Variants in SORCS3 observed in about 807,000 individuals in gnomAD.
SORCS3 encodes the protein VPS10 domain-containing receptor SorCS3.
A neutral mutation model predicts 146.3 loss-of-function variants in SORCS3; 57 were observed. That is an observed-to-expected ratio of 0.39 (90% CI 0.31 to 0.49). SORCS3 has a LOEUF of 0.49. Among genes scored for constraint, SORCS3 ranks in the 20% least tolerant of loss-of-function variants. The pLI, the probability that SORCS3 is intolerant of heterozygous loss-of-function variation, is 0.92. For synonymous variants in SORCS3, 653 were observed against 618.5 expected, an observed-to-expected ratio of 1.06 and a Z score of -0.83; for missense variants, 1,341 against 1,575.5, an observed-to-expected ratio of 0.85 and a Z score of 2.52.
chr10:104,831,129 A>T (rs2017996011), intron 1 of SORCS3, among the ~76,000 whole-genome samples: 1 of 152,166 alleles, frequency 6.6e-6, no homozygotes, highest in South Asian at 2.1e-4. Context: ...CACTGCACCA[A>T]GCCACGACAA....
chr10:104,758,717 T>C (rs1236232805), intron 1 of SORCS3, among the ~76,000 whole-genome samples: 1 of 152,160 alleles, frequency 6.6e-6, no homozygotes, highest in Non-Finnish European at 1.5e-5. Context: ...CTTTGGGATA[T>C]TGTGGCTCCT....
intron 1 of SORCS3, among the ~76,000 whole-genome samples, chr10:104,710,549 T>G (rs1379647348): frequency 1.3e-5 from 2 of 152,164 alleles, no homozygotes. Context: ...GGGTTGCTGT[T>G]TGAGAGGGCT....
intron 1 of SORCS3, among the ~76,000 whole-genome samples, chr10:104,736,224 C>A (rs2016769724): frequency 6.6e-6 from 1 of 152,174 alleles, no homozygotes; most frequent in Non-Finnish European, 1.5e-5. Flanking sequence ...CTGAACTTGG[C>A]CAGTTGTTTG....
At chr10:104,692,292 AACTG>A (rs2016122734) in intron 1 of SORCS3, among the ~76,000 whole-genome samples, 1 of 152,158 alleles carries the variant, frequency 6.6e-6, no homozygotes, top group South Asian at 2.1e-4. Flanking sequence ...AGAGGAAAGA[AACTG>A]ACTGTCAGCC....
chr10:105,027,011 A>T (rs2055236251), intron 4 of SORCS3, among the ~76,000 whole-genome samples: 1 of 152,072 alleles, frequency 6.6e-6, no homozygotes, highest in South Asian at 2.1e-4. Context: ...AAACGCCAAG[A>T]CCCTGTCCAG....
At chr10:105,156,609 G>T (rs138100379) in intron 9 of SORCS3, among the ~76,000 whole-genome samples, 1 of 152,164 alleles carries the variant, frequency 6.6e-6, no homozygotes, top group Non-Finnish European at 1.5e-5. Context: ...CAGATGATAT[G>T]GGAGTTATCC....
intron 5 of SORCS3, among the ~76,000 whole-genome samples, chr10:105,045,799 C>A (rs942338939): frequency 1.3e-5 from 2 of 152,150 alleles, no homozygotes; most frequent in African/African-American, 4.8e-5. Context: ...CAAGTGGACA[C>A]TTGGCTATTT....
chr10:104,878,657 T>G (rs1299889383), intron 2 of SORCS3, among the ~76,000 whole-genome samples: 1 of 152,192 alleles, frequency 6.6e-6, no homozygotes, highest in African/African-American at 2.4e-5. Context: ...TTTAAAATAT[T>G]TTATAGGGCC....
intron 1 of SORCS3, among the ~76,000 whole-genome samples, chr10:104,747,477 G>T (rs2016924873): frequency 6.6e-6 from 1 of 152,122 alleles, no homozygotes; most frequent in Non-Finnish European, 1.5e-5. Flanking sequence ...AAAGGGGAGT[G>T]GATAGACATA....
At chr10:104,662,457 A>C (rs552604296) in intron 1 of SORCS3, among the ~76,000 whole-genome samples, 1 of 152,306 alleles carries the variant, frequency 6.6e-6, no homozygotes, top group East Asian at 1.9e-4. Flanking sequence ...TACCTGACCC[A>C]TGTCACAAAG....
intron 6 of SORCS3, among the ~76,000 whole-genome samples, chr10:105,101,041 T>C (rs1589632994): frequency 1.3e-5 from 2 of 152,296 alleles, no homozygotes; most frequent in Admixed American, 6.5e-5. Context: ...TCAGAACCAC[T>C]GGAGTATGCT....
At chr10:105,064,848 G>T (rs1009848129) in intron 5 of SORCS3, among the ~76,000 whole-genome samples, 1 of 152,096 alleles carries the variant, frequency 6.6e-6, no homozygotes, top group South Asian at 2.1e-4. Context: ...CCAGTCCACT[G>T]GCTCACACGC....
intron 3 of SORCS3, among the ~76,000 whole-genome samples, chr10:104,973,661 A>T (rs1323521472): frequency 1.3e-5 from 2 of 150,526 alleles, no homozygotes; most frequent in Non-Finnish European, 2.9e-5. Context: ...TGGATTCATT[A>T]ATTTTTTGAA....
At chr10:104,769,650 C>T (rs962131345) in intron 1 of SORCS3, among the ~76,000 whole-genome samples, 10 of 152,114 alleles carry the variant, frequency 6.6e-5, no homozygotes, top group African/African-American at 2.2e-4. Context: ...AGAATTAATG[C>T]CCAGCCTCCA....
At position 104,800,308 on chromosome 10, in the gene SORCS3, A is replaced by G. The variant is rs532443100; in HGVS notation, c.628-42484A>G. Reference sequence around the variant, plus strand: ...AACTTTGGAGACAGTAAAAAGATCTATGGTTAACAGTAGTTAGCGAGGAGA... The same window carrying G: ...AACTTTGGAGACAGTAAAAAGATCTGTGGTTAACAGTAGTTAGCGAGGAGA... On this transcript the variant is annotated intron_variant, in intron 1 of 26. Coordinates refer to ENST00000369701, the MANE Select transcript of SORCS3 (RefSeq NM_014978.3). Among the ~76,000 whole-genome samples, 38 of 152,316 alleles carry G rather than the reference A, an allele frequency of 2.5e-4. 1 individual carries two copies. Among genetic ancestry groups the G allele is most frequent in the African/African-American group, 8.7e-4 (36 of 41,590 alleles).
At chr10:104,985,874 G>T (rs1478727583) in intron 4 of SORCS3, among the ~76,000 whole-genome samples, 1 of 152,130 alleles carries the variant, frequency 6.6e-6, no homozygotes, top group Non-Finnish European at 1.5e-5. Flanking sequence ...TACTTAAACA[G>T]ATGTGCTGTC....
intron 1 of SORCS3, among the ~76,000 whole-genome samples, chr10:104,798,664 A>C (rs1282598946): frequency 6.6e-6 from 1 of 152,182 alleles, no homozygotes; most frequent in East Asian, 1.9e-4. Context: ...TCTAGTGCTC[A>C]TGCTCCTTGG....
chr10:105,159,811 G>T (rs984616656), intron 11 of SORCS3, among the ~76,000 whole-genome samples: 3 of 152,110 alleles, frequency 2.0e-5, no homozygotes, highest in African/African-American at 7.2e-5. Flanking sequence ...TCTAGGCATG[G>T]CTTCCTTCTC....
chr10:104,801,135 T>C (rs1440574850), intron 1 of SORCS3, among the ~76,000 whole-genome samples: 1 of 152,198 alleles, frequency 6.6e-6, no homozygotes, highest in African/African-American at 2.4e-5. Flanking sequence ...CAAATCCCAT[T>C]TCTGCCACTC....
Sources: gnomAD v4.1 joint callset for allele counts (sites outside exome capture counted in the v4.1 genomes callset) on GRCh38, gnomAD v4.1.1 for gene constraint, MANE v1.5 for transcripts, NCBI Gene and HGNC (gene_info 2026-07-23, HGNC 2026-07-21) for gene names.